The following LPP variants were observed in gnomAD, a reference collection of about 807,000 sequenced individuals.
The protein encoded by LPP is lipoma-preferred partner.
In LPP, 38 loss-of-function variants were observed where a neutral mutation model predicts 60.4. That is an observed-to-expected ratio of 0.63 (90% CI 0.49 to 0.83). The LOEUF is 0.83. Among genes scored for constraint, LPP ranks in the 40% least tolerant of loss-of-function variants. LPP has a pLI of 0.00. For missense variants in LPP, 902 were observed against 783.6 expected, an observed-to-expected ratio of 1.15 and a Z score of -1.80; for synonymous variants, 328 against 290.8, an observed-to-expected ratio of 1.13 and a Z score of -1.30.
chr3:188,862,763 AAAAG>A (rs1286992986), intron 9 of LPP, among the ~76,000 whole-genome samples: 33 of 146,090 alleles, frequency 2.3e-4, no homozygotes, highest in African/African-American at 5.3e-4. Flanking sequence ...GAAAGAAAGA[AAAAG>A]AAAGAGAGAG....
chr3:188,173,565 C>G (rs541505355), intron 1 of LPP, among the ~76,000 whole-genome samples: 7 of 151,946 alleles, frequency 4.6e-5, no homozygotes, highest in African/African-American at 1.7e-4. Flanking sequence ...GTGACTCCAT[C>G]TCAAAAAAAA....
intron 1 of LPP, among the ~76,000 whole-genome samples, chr3:188,156,195 C>A (rs1577025250): frequency 6.6e-6 from 1 of 151,956 alleles, no homozygotes; most frequent in Non-Finnish European, 1.5e-5. Flanking sequence ...TCTGGCAGTC[C>A]CCCCAGAGGC....
intron 9 of LPP, among the ~76,000 whole-genome samples, chr3:188,853,687 A>G (rs1043728088): frequency 3.9e-4 from 60 of 152,208 alleles, no homozygotes; most frequent in African/African-American, 1.4e-3. Context: ...GAGCACAGGC[A>G]TATAAACTGA....
At chr3:188,528,270 A>G (rs1277240943) in intron 6 of LPP, among the ~76,000 whole-genome samples, 3 of 151,900 alleles carry the variant, frequency 2.0e-5, no homozygotes, top group Non-Finnish European at 2.9e-5. Context: ...CTCGTGACTG[A>G]CCCACTTCGG....
chr3:188,661,305 G>C (rs1233243279), intron 7 of LPP, among the ~76,000 whole-genome samples: 1 of 152,074 alleles, frequency 6.6e-6, no homozygotes, highest in Admixed American at 6.6e-5. Context: ...AAACATCCAC[G>C]TGCTGGTTTC....
chr3:188,633,791 A>T (rs1450861614), intron 7 of LPP, among the ~76,000 whole-genome samples: 1 of 152,214 alleles, frequency 6.6e-6, no homozygotes, highest in African/African-American at 2.4e-5. Flanking sequence ...AGCTGTTATC[A>T]CAGTTCCATC....
chr3:188,558,181 A>G (rs751770416), intron 6 of LPP, among the ~76,000 whole-genome samples: 2 of 152,134 alleles, frequency 1.3e-5, no homozygotes, highest in Admixed American at 6.6e-5. Context: ...ATAAACTGAT[A>G]TAATAAAAAC....
intron 2 of LPP, among the ~76,000 whole-genome samples, 167 bp from the exon 3 acceptor site, chr3:188,341,496 C>A (rs533514072): frequency 6.6e-6 from 1 of 152,316 alleles, no homozygotes; most frequent in South Asian, 2.1e-4. Flanking sequence ...CCAGTAGAAT[C>A]ATCTCTTCCT....
intron 3 of LPP, among the ~76,000 whole-genome samples, chr3:188,350,849 C>T (rs1183892731): frequency 6.6e-6 from 1 of 152,040 alleles, no homozygotes; most frequent in East Asian, 1.9e-4. Context: ...ATTTAACTAT[C>T]CCAGATATTG....
chr3:188,316,170 C>G (rs1198267881), intron 2 of LPP, among the ~76,000 whole-genome samples: 1 of 152,106 alleles, frequency 6.6e-6, no homozygotes, highest in East Asian at 1.9e-4. Context: ...CCCAGCTACT[C>G]CGGAGGCTGA....
intron 2 of LPP, among the ~76,000 whole-genome samples, chr3:188,329,593 A>T (rs571777463): frequency 4.0e-5 from 6 of 151,806 alleles, no homozygotes; most frequent in African/African-American, 1.2e-4. Flanking sequence ...TGGGTTAGGG[A>T]TACAAAACCT....
intron 6 of LPP, among the ~76,000 whole-genome samples, chr3:188,532,010 C>T (rs1200003441): frequency 6.6e-6 from 1 of 152,068 alleles, no homozygotes; most frequent in Admixed American, 6.5e-5. Context: ...GTAATAGTAA[C>T]TCCAGGTAGA....
At chr3:188,808,589 C>T (rs1041913264) in intron 9 of LPP, among the ~76,000 whole-genome samples, 3 of 152,236 alleles carry the variant, frequency 2.0e-5, no homozygotes, top group Admixed American at 6.5e-5. Flanking sequence ...GGGCATTAAG[C>T]CTTTCCCAGA....
At chr3:188,826,182 G>T (rs1755431268) in intron 9 of LPP, among the ~76,000 whole-genome samples, 1 of 152,124 alleles carries the variant, frequency 6.6e-6, no homozygotes, top group African/African-American at 2.4e-5. Flanking sequence ...CAGTGGACAG[G>T]TTACCTCTAA....
intron 4 of LPP, among the ~76,000 whole-genome samples, chr3:188,463,333 G>A (rs554781859): frequency 1.1e-3 from 162 of 149,796 alleles, no homozygotes; most frequent in African/African-American, 3.7e-3. Flanking sequence ...AGGACTATAG[G>A]TGTGTGTCAT....
At chr3:188,671,894 A>G (rs1857026696) in intron 7 of LPP, among the ~76,000 whole-genome samples, 1 of 152,214 alleles carries the variant, frequency 6.6e-6, no homozygotes, top group South Asian at 2.1e-4. Flanking sequence ...AGAGCTCTAA[A>G]CATGCTCTTT....
At chr3:188,582,747 A>G (rs1284321812) in intron 6 of LPP, among the ~76,000 whole-genome samples, 1 of 152,172 alleles carries the variant, frequency 6.6e-6, no homozygotes, top group East Asian at 1.9e-4. Flanking sequence ...TCTCTCAGGA[A>G]TTTTTTCCAC....
chr3:188,269,275 C>T (rs1255177541), intron 2 of LPP, among the ~76,000 whole-genome samples: 1 of 152,118 alleles, frequency 6.6e-6, no homozygotes, highest in Non-Finnish European at 1.5e-5. Context: ...AGTCCTTAAC[C>T]CTATTGAACT....
intron 7 of LPP, among the ~76,000 whole-genome samples, chr3:188,650,384 A>G (rs554142066): frequency 1.3e-5 from 2 of 152,180 alleles, no homozygotes; most frequent in African/African-American, 4.8e-5. Context: ...ACTGCGTTTT[A>G]TTCTGTATCA....
Sources: gnomAD v4.1 joint callset for allele counts (sites outside exome capture counted in the v4.1 genomes callset) on GRCh38, gnomAD v4.1.1 for gene constraint, MANE v1.5 for transcripts, NCBI Gene and HGNC (gene_info 2026-07-23, HGNC 2026-07-21) for gene names.